Variants in CES5A observed in about 807,000 individuals in gnomAD.
The protein encoded by CES5A is carboxylesterase 5A, also known as carboxylesterase 5.
In CES5A, 67 loss-of-function variants were observed where a neutral mutation model predicts 62.9. That is an observed-to-expected ratio of 1.07 (90% CI 0.88 to 1.31). The LOEUF is 1.31. CES5A is among the 50% of genes most tolerant of loss of function. CES5A has a pLI of 0.00. For synonymous variants in CES5A, 296 were observed against 280.8 expected, an observed-to-expected ratio of 1.05 and a Z score of -0.54; for missense variants, 748 against 708.5, an observed-to-expected ratio of 1.06 and a Z score of -0.63.
intron 2 of CES5A, among the ~76,000 whole-genome samples, chr16:55,948,298 C>T (rs1483304586): frequency 6.6e-6 from 1 of 152,088 alleles, no homozygotes; most frequent in Non-Finnish European, 1.5e-5. Context: ...TTTTCTGAGG[C>T]TTTGATTAGC....
At chr16:55,954,986 A>C (rs1335257796) in intron 1 of CES5A, among the ~76,000 whole-genome samples, 1 of 152,168 alleles carries the variant, frequency 6.6e-6, no homozygotes, top group Non-Finnish European at 1.5e-5. Flanking sequence ...CTCCGCATGC[A>C]CAAGGAAATT....
intron 2 of CES5A, among the ~76,000 whole-genome samples, chr16:55,938,159 G>A (rs781395939): frequency 4.0e-5 from 6 of 151,892 alleles, no homozygotes; most frequent in Non-Finnish European, 5.9e-5. Context: ...TTTCCCTTTC[G>A]TCACAGGAAG....
intron 2 of CES5A, among the ~76,000 whole-genome samples, chr16:55,948,382 T>C (rs2034519463): frequency 1.3e-5 from 2 of 152,098 alleles, no homozygotes; most frequent in African/African-American, 4.8e-5. Context: ...CGTCTCACGC[T>C]CAGTTAATCT....
chr16:55,869,993 AT>A (rs1294412916), intron 3 of CES5A, among the ~76,000 whole-genome samples: 1 of 152,210 alleles, frequency 6.6e-6, no homozygotes, highest in Non-Finnish European at 1.5e-5. Flanking sequence ...CCTAAGGCTC[AT>A]TTTTCTCATC....
Position 55,944,825 on chromosome 16 carries a change from T to G in CES5A, c.160+4960A>C, listed in dbSNP as rs142590245. ...TTGAAGTGAATTTCTCGTCCTGCCTTTAAATCTCAATCTCATTCATCAGGC... is the reference window on the plus strand; with the variant it reads ...TTGAAGTGAATTTCTCGTCCTGCCTGTAAATCTCAATCTCATTCATCAGGC... On this transcript the variant is annotated intron_variant, in intron 2 of 13. Coordinates refer to the CES5A transcript ENST00000521992. Among the ~76,000 whole-genome samples, 591 of 152,272 alleles carry G rather than the reference T, an allele frequency of 3.9e-3. 1 individual carries two copies. Among genetic ancestry groups the G allele is most frequent in the Non-Finnish European group, 6.2e-3 (421 of 68,018 alleles).
intron 1 of CES5A, among the ~76,000 whole-genome samples, chr16:55,883,393 T>C (rs1235057982): frequency 6.6e-6 from 1 of 152,164 alleles, no homozygotes; most frequent in Non-Finnish European, 1.5e-5. Context: ...TGCCTCAGCC[T>C]CCCAAGTAGC....
chr16:55,931,354 C>T (rs1181620110), intron 2 of CES5A, among the ~76,000 whole-genome samples: 1 of 152,184 alleles, frequency 6.6e-6, no homozygotes, highest in Non-Finnish European at 1.5e-5. Flanking sequence ...ACCAAAGGTC[C>T]TCCACCTCAC....
chr16:55,869,500 TG>T, intron 4 of CES5A, 110 bp downstream of exon 4: 1 of 1,403,928 alleles, frequency 7.1e-7, no homozygotes, highest in Non-Finnish European at 9.3e-7. Context: ...GGGCCAGTTT[TG>T]TTCATTGTCC....
At chr16:55,939,987 A>G (rs183332097) in intron 2 of CES5A, among the ~76,000 whole-genome samples, 81 of 152,232 alleles carry the variant, frequency 5.3e-4, no homozygotes, top group African/African-American at 1.9e-3. Context: ...AAATAAAAAT[A>G]CAGCCTATCA....
At chr16:55,915,072 G>A (rs2034133438) in intron 1 of CES5A, among the ~76,000 whole-genome samples, 1 of 151,124 alleles carries the variant, frequency 6.6e-6, no homozygotes, top group African/African-American at 2.4e-5. Context: ...GTCCCATTGT[G>A]CATCAGAGAC....
chr16:55,924,807 T>C (rs1433056122), intron 1 of CES5A, among the ~76,000 whole-genome samples: 1 of 151,772 alleles, frequency 6.6e-6, no homozygotes, highest in African/African-American at 2.4e-5. Context: ...GAAAACTGGA[T>C]ATCTACATGC....
Position 55,923,346 on chromosome 16 carries a change from G to A in CES5A, c.-256+1977C>T, listed in dbSNP as rs186487567. Among the ~76,000 whole-genome samples the A allele has an allele frequency of 2.6e-3, 387 of 151,564 alleles. 4 individuals carry two copies. Among genetic ancestry groups the A allele is most frequent in the Middle Eastern group, 0.01 (3 of 294 alleles). On this transcript the variant is annotated intron_variant, in intron 1 of 12. Coordinates refer to the CES5A transcript ENST00000518005. ...ATGAAAAAGGAGACATAACAACTGA[G>A]ACTACAGAAATACAAAAAGATTATA...
In CES5A at chr16:55,873,880, A is replaced by G. The variant is rs1441753022; in HGVS notation, c.231T>C (p.Pro77=). 6.2e-7 allele frequency: 1 copy of G among 1,613,630 alleles called. No individual in the cohort carries two copies. The highest frequency in any genetic ancestry group is 1.3e-5 in the African/African-American group (1 of 74,946). Residue 77 remains proline, a synonymous_variant, in exon 2 of 13, where the codon CCT becomes CCC. Transcript: ENST00000290567. Reference sequence around the variant, plus strand: ...CTCGCAAGTTATCCCAGGGCGATGCAGGCTGCGGGTTCGTAAATCGCAGGG... The same window carrying G: ...CTCGCAAGTTATCCCAGGGCGATGCGGGCTGCGGGTTCGTAAATCGCAGGG... The part of the protein sequence containing the change: ...LGSLRFTNPQ[P]ASPWDNLREA...
chr16:55,851,709 G>A (rs1487408136), intron 10 of CES5A, among the ~76,000 whole-genome samples: 1 of 152,170 alleles, frequency 6.6e-6, no homozygotes, highest in Admixed American at 6.5e-5. Flanking sequence ...TATGTTCATT[G>A]CAGCATTATA....
intron 4 of CES5A, 102 bp from the exon 5 acceptor site, chr16:55,866,218 G>T (rs1870039): frequency 0.26 from 293,461 of 1,138,526 alleles, 40,850 homozygotes; most frequent in Middle Eastern, 0.33. Flanking sequence ...TCAGTGGGGA[G>T]GGGGCGGAGA....
intron 2 of CES5A, among the ~76,000 whole-genome samples, chr16:55,945,430 A>C (rs78066024): frequency 0.012 from 1,771 of 152,352 alleles, 59 homozygotes; most frequent in East Asian, 0.1. Context: ...GCAGCTAAAC[A>C]AAGGTACCAA....
At chr16:55,923,140 A>G (rs1160068553) in intron 1 of CES5A, among the ~76,000 whole-genome samples, 1 of 151,536 alleles carries the variant, frequency 6.6e-6, no homozygotes, top group Non-Finnish European at 1.5e-5. Context: ...AAAAGCAAGA[A>G]AAAAAACAAA....
intron 1 of CES5A, among the ~76,000 whole-genome samples, chr16:55,887,863 G>C (rs1424477396): frequency 1.3e-5 from 2 of 152,164 alleles, no homozygotes; most frequent in African/African-American, 4.8e-5. Context: ...GAATCAGCAA[G>C]AAAGGAGCTG....
chr16:55,876,937 T>C (rs1379157908), upstream of CES5A, among the ~76,000 whole-genome samples: 1 of 152,172 alleles, frequency 6.6e-6, no homozygotes, highest in East Asian at 1.9e-4. Context: ...ACCTGGCCTG[T>C]GCTGGAGCAC....
Sources: gnomAD v4.1 joint callset for allele counts (sites outside exome capture counted in the v4.1 genomes callset) on GRCh38, gnomAD v4.1.1 for gene constraint, MANE v1.5 for transcripts, NCBI Gene and HGNC (gene_info 2026-07-23, HGNC 2026-07-21) for gene names.